CSMD1: variants seen among roughly 807,000 people sequenced by gnomAD.
CSMD1 encodes CUB and Sushi multiple domains 1, also known as CUB and sushi domain-containing protein 1.
CSMD1 carries 213 observed loss-of-function variants against 417.5 expected under a neutral mutation model. That is an observed-to-expected ratio of 0.51 (90% CI 0.46 to 0.57). The LOEUF (loss-of-function observed/expected upper bound fraction) is 0.57. CSMD1 is among the 20% of genes least tolerant of loss of function. The pLI is 0.00. For synonymous variants in CSMD1, 2,862 were observed against 1,736.8 expected (o/e 1.65, Z -16.11); for missense variants, 6,923 against 4,529.7 (o/e 1.53, Z -15.17).
chr8:3,391,016 C>T (rs1033755584), intron 17 of CSMD1, among the ~76,000 whole-genome samples: 9 of 152,188 alleles, frequency 5.9e-5, no homozygotes, highest in Non-Finnish European at 8.8e-5. Flanking sequence ...CCTTTGCCTG[C>T]TTTTCTCCTC....
intron 3 of CSMD1, among the ~76,000 whole-genome samples, chr8:4,185,542 G>C (rs1394019557): frequency 2.6e-5 from 4 of 152,008 alleles, no homozygotes; most frequent in Non-Finnish European, 5.9e-5. Context: ...AGAGAAACAT[G>C]CGCTAATTTT....
intron 2 of CSMD1, among the ~76,000 whole-genome samples, chr8:4,580,517 G>C (rs919035433): frequency 7.9e-5 from 12 of 152,128 alleles, no homozygotes; most frequent in African/African-American, 2.7e-4. Context: ...GTTCTGGCTC[G>C]GGCCGTCGGG....
intron 41 of CSMD1, among the ~76,000 whole-genome samples, chr8:3,125,238 G>A (rs1323298248): frequency 6.6e-6 from 1 of 152,216 alleles, no homozygotes; most frequent in Admixed American, 6.5e-5. Context: ...TAGTGTGAGT[G>A]TGATGGGTTT....
At chr8:3,439,540 A>G (rs1301050585) in intron 12 of CSMD1, among the ~76,000 whole-genome samples, 1 of 149,498 alleles carries the variant, frequency 6.7e-6, no homozygotes, top group Admixed American at 6.7e-5. Context: ...GAGTCTTAAG[A>G]GTTCTTTATG....
intron 3 of CSMD1, among the ~76,000 whole-genome samples, chr8:4,124,364 T>C (rs1325541918): frequency 1.3e-5 from 2 of 151,852 alleles, no homozygotes; most frequent in Admixed American, 6.6e-5. Flanking sequence ...GGATATGAAA[T>C]GTTTTCTTCT....
intron 24 of CSMD1, 75 bp downstream of exon 24, chr8:3,308,237 G>C (rs1805040790): frequency 1.8e-6 from 2 of 1,129,992 alleles, no homozygotes; most frequent in Non-Finnish European, 2.5e-6. Flanking sequence ...TTCCAATAAA[G>C]GAAGTCAATG....
chr8:4,280,165 AAAG>A (rs1457864965), intron 3 of CSMD1, among the ~76,000 whole-genome samples: 2 of 152,242 alleles, frequency 1.3e-5, no homozygotes, highest in Admixed American at 1.3e-4. Context: ...AGTACGCTTA[AAAG>A]AAGATTTTAC....
intron 52 of CSMD1, among the ~76,000 whole-genome samples, chr8:3,000,534 G>A (rs750357152): frequency 3.2e-4 from 49 of 152,160 alleles, no homozygotes; most frequent in Non-Finnish European, 5.7e-4. Context: ...AAGGAGATCG[G>A]TGAGGGGGGC....
intron 3 of CSMD1, among the ~76,000 whole-genome samples, chr8:4,167,128 G>A (rs1006895374): frequency 2.0e-5 from 3 of 152,136 alleles, no homozygotes; most frequent in African/African-American, 7.2e-5. Flanking sequence ...AACCCAAGAT[G>A]TTACTTAGGT....
intron 3 of CSMD1, among the ~76,000 whole-genome samples, chr8:4,273,226 T>C (rs540101300): frequency 1.7e-4 from 26 of 152,310 alleles, no homozygotes; most frequent in Non-Finnish European, 2.9e-4. Context: ...GTCTTTCTCA[T>C]AAAATATAAC....
chr8:4,445,222 G>C (rs1798712410), intron 2 of CSMD1, among the ~76,000 whole-genome samples: 1 of 151,434 alleles, frequency 6.6e-6, no homozygotes, highest in African/African-American at 2.4e-5. Flanking sequence ...TTTCTTCATT[G>C]TTTGACCATT....
intron 1 of CSMD1, among the ~76,000 whole-genome samples, chr8:4,952,528 T>G (rs1243625919): frequency 6.6e-6 from 1 of 151,658 alleles, no homozygotes; most frequent in Non-Finnish European, 1.5e-5. Context: ...TTAAATTCTA[T>G]TTTTTCAATA....
intron 2 of CSMD1, among the ~76,000 whole-genome samples, chr8:4,633,996 TAAA>T (rs34505266): frequency 7.0e-6 from 1 of 143,066 alleles, no homozygotes. Flanking sequence ...GACAGGTCAT[TAAA>T]AAAAAAAAAA....
intron 3 of CSMD1, among the ~76,000 whole-genome samples, chr8:4,182,053 T>G (rs941925847): frequency 1.3e-5 from 2 of 151,886 alleles, no homozygotes; most frequent in African/African-American, 4.8e-5. Context: ...TCGGTGTGTG[T>G]GTGTGTGTAT....
In CSMD1 at chr8:4,858,952, C is replaced by A. The variant is rs367842311; in HGVS notation, c.85+135380G>T. ...TATGGAACCAAAAAAGAGCCCGCAT[C>A]GCCAAGGCAATCCTAAGCCAAAAGA... On this transcript the variant is annotated intron_variant, in intron 1 of 69. Coordinates refer to ENST00000635120, the MANE Select transcript of CSMD1 (RefSeq NM_033225.6). 6.0e-5 allele frequency among the ~76,000 whole-genome samples: 9 copies of A among 150,070 alleles called. No individual in the cohort carries two copies. In the South Asian group the frequency reaches 6.4e-4, roughly 11 times the overall value.
At chr8:3,778,676 G>A (rs1799020753) in intron 5 of CSMD1, among the ~76,000 whole-genome samples, 2 of 152,200 alleles carry the variant, frequency 1.3e-5, no homozygotes, top group African/African-American at 4.8e-5. Flanking sequence ...AGAGCTTCCT[G>A]CAGTTTCAGA....
chr8:3,691,888 G>C (rs1360794250), intron 7 of CSMD1, among the ~76,000 whole-genome samples: 1 of 152,096 alleles, frequency 6.6e-6, no homozygotes, highest in Non-Finnish European at 1.5e-5. Flanking sequence ...TGACTTCTAT[G>C]GCTTCAAGAT....
At chr8:3,829,783 T>C (rs994086307) in intron 5 of CSMD1, among the ~76,000 whole-genome samples, 4 of 152,190 alleles carry the variant, frequency 2.6e-5, no homozygotes, top group Admixed American at 1.3e-4. Flanking sequence ...GACAGGAATA[T>C]TGAATGAGGT....
At chr8:3,443,633 C>G (rs1005499568) in intron 12 of CSMD1, among the ~76,000 whole-genome samples, 1 of 152,140 alleles carries the variant, frequency 6.6e-6, no homozygotes. Flanking sequence ...GCAGAGTTGA[C>G]TGTGGAATAT....
Sources: gnomAD v4.1 joint callset for allele counts (sites outside exome capture counted in the v4.1 genomes callset) on GRCh38, gnomAD v4.1.1 for gene constraint, MANE v1.5 for transcripts, NCBI Gene and HGNC (gene_info 2026-07-23, HGNC 2026-07-21) for gene names.